Variants in ZFHX3 observed in about 807,000 individuals in gnomAD.
ZFHX3 encodes zinc finger homeobox protein 3.
In ZFHX3, 42 loss-of-function variants were observed where a neutral mutation model predicts 279.1. The ratio of observed to expected loss-of-function variants is 0.15; its 90% CI spans 0.12 to 0.19. The LOEUF (loss-of-function observed/expected upper bound fraction) is 0.19, where lower values mean the gene tolerates loss of function less well. Ranked by LOEUF, ZFHX3 falls within the 10% of genes least tolerant of loss-of-function variation. The pLI, the probability that ZFHX3 is intolerant of heterozygous loss-of-function variation, is 1.00. For missense variants in ZFHX3, 4,981 were observed against 4,754.0 expected (o/e 1.05, Z -1.40); for synonymous variants, 2,293 against 1,957.8 (o/e 1.17, Z -4.52).
chr16:73,801,864 T>C (rs903764179), intron 1 of ZFHX3, among the ~76,000 whole-genome samples: 2 of 152,220 alleles, frequency 1.3e-5, no homozygotes, highest in African/African-American at 4.8e-5. Flanking sequence ...TCATTTTACT[T>C]TCTCTGCCTC....
intron 4 of ZFHX3, among the ~76,000 whole-genome samples, chr16:72,839,504 C>T (rs955070195): frequency 3.9e-5 from 6 of 152,042 alleles, no homozygotes; most frequent in African/African-American, 9.7e-5. Flanking sequence ...GAAGGGTGTC[C>T]CCCATCTCGT....
chr16:73,311,914 C>G (rs2015337916), intron 4 of ZFHX3, among the ~76,000 whole-genome samples: 1 of 152,056 alleles, frequency 6.6e-6, no homozygotes, highest in Admixed American at 6.6e-5. Flanking sequence ...AATGGAAGCT[C>G]AAAATCAAAC....
chr16:73,291,519 A>C (rs1762677488), intron 4 of ZFHX3, among the ~76,000 whole-genome samples: 1 of 152,206 alleles, frequency 6.6e-6, no homozygotes, highest in South Asian at 2.1e-4. Flanking sequence ...TAATTTTTAC[A>C]TTAATGACAT....
chr16:72,785,247 G>GAGAA lies in ZFHX3; in HGVS notation c.*1913_*1916dup, dbSNP rs1439822590. 5.2e-5 allele frequency: 8 copies of GAGAA among 152,558 alleles called. No individual in the cohort carries two copies. The highest frequency in any genetic ancestry group is 8.8e-5 in the Non-Finnish European group (6 of 68,020). The allele number at this position is 152,558 out of a possible 1,614,324, so 9.5% of individuals were successfully genotyped here. On this transcript the variant is annotated 3_prime_UTR_variant, in exon 10 of 10. Transcript: ENST00000268489. ...CATTTATTTATTTTTCTTTTTACAT[G>GAGAA]AGAAAGGGTGTGTGTTAACAGGAAT...
chr16:73,594,958 C>G (rs937832551), intron 2 of ZFHX3, among the ~76,000 whole-genome samples: 1 of 152,074 alleles, frequency 6.6e-6, no homozygotes, highest in African/African-American at 2.4e-5. Flanking sequence ...AGGTATGGCC[C>G]CACAATTCCA....
At chr16:73,148,463 T>A (rs887359754) in intron 5 of ZFHX3, among the ~76,000 whole-genome samples, 2 of 151,798 alleles carry the variant, frequency 1.3e-5, no homozygotes, top group Non-Finnish European at 2.9e-5. Context: ...CTGGATAATC[T>A]CTGGATACTT....
intron 8 of ZFHX3, among the ~76,000 whole-genome samples, chr16:73,088,154 CT>C (rs1312216165): frequency 7.3e-6 from 1 of 137,352 alleles, no homozygotes; most frequent in East Asian, 2.2e-4. Context: ...TTTTTTTTTT[CT>C]TTTTTTTTGA....
At chr16:73,814,236 A>G (rs1008088476) in intron 1 of ZFHX3, among the ~76,000 whole-genome samples, 1 of 152,034 alleles carries the variant, frequency 6.6e-6, no homozygotes, top group East Asian at 1.9e-4. Flanking sequence ...CACCATTGTC[A>G]ACTGCCAAAT....
intron 2 of ZFHX3, among the ~76,000 whole-genome samples, chr16:73,571,250 C>T (rs1343001264): frequency 1.3e-5 from 2 of 151,906 alleles, no homozygotes. Flanking sequence ...TCCTCATTCG[C>T]AGCATCTAGA....
At chr16:73,330,897 G>C (rs79711809) in intron 3 of ZFHX3, among the ~76,000 whole-genome samples, 3,149 of 152,220 alleles carry the variant, frequency 0.021, 57 homozygotes, top group South Asian at 0.061. Flanking sequence ...TTCTCTCCAT[G>C]ATGGCCTTGT....
At chr16:73,807,924 A>C (rs957836380) in intron 1 of ZFHX3, among the ~76,000 whole-genome samples, 1 of 152,008 alleles carries the variant, frequency 6.6e-6, no homozygotes, top group African/African-American at 2.4e-5. Context: ...AGAAATCCTC[A>C]TGAACTTGGT....
intron 1 of ZFHX3, among the ~76,000 whole-genome samples, chr16:73,739,174 C>CA (rs1269641630): frequency 6.6e-6 from 1 of 152,226 alleles, no homozygotes; most frequent in East Asian, 1.9e-4. Flanking sequence ...CCCTTCCAAA[C>CA]ACCAAAGCAG....
At chr16:73,166,637 G>A (rs951394347) in intron 5 of ZFHX3, among the ~76,000 whole-genome samples, 1 of 152,184 alleles carries the variant, frequency 6.6e-6, no homozygotes, top group African/African-American at 2.4e-5. Context: ...TTAATTTCCT[G>A]TGTGCTCCCT....
intron 8 of ZFHX3, among the ~76,000 whole-genome samples, chr16:73,076,298 G>A (rs1965886168): frequency 6.6e-6 from 1 of 152,196 alleles, no homozygotes; most frequent in Non-Finnish European, 1.5e-5. Context: ...ACAAATCTAA[G>A]ATGTTCTTTT....
intron 2 of ZFHX3, among the ~76,000 whole-genome samples, chr16:73,462,402 G>T (rs749507991): frequency 6.6e-6 from 1 of 151,934 alleles, no homozygotes; most frequent in Non-Finnish European, 1.5e-5. Context: ...GTGTACCTTT[G>T]ATTTCTTTTT....
intron 2 of ZFHX3, among the ~76,000 whole-genome samples, chr16:73,486,177 G>A (rs978075812): frequency 5.3e-5 from 8 of 152,206 alleles, no homozygotes; most frequent in Non-Finnish European, 7.3e-5. Flanking sequence ...AAATGGATTC[G>A]ATTCAGCTAT....
intron 2 of ZFHX3, chr16:73,608,717 G>A (rs996782160): frequency 1.3e-5 from 2 of 152,110 alleles, no homozygotes; most frequent in African/African-American, 4.8e-5. Flanking sequence ...GATTCAGGCT[G>A]TATCTTCAAA....
At chr16:73,813,237 C>G (rs989585837) in intron 1 of ZFHX3, among the ~76,000 whole-genome samples, 24 of 145,498 alleles carry the variant, frequency 1.6e-4, no homozygotes, top group Non-Finnish European at 3.5e-4. Flanking sequence ...CTTTCTCTCT[C>G]TCTCTCTCTC....
At chr16:73,496,482 G>T (rs1015639446) in intron 2 of ZFHX3, among the ~76,000 whole-genome samples, 9 of 152,232 alleles carry the variant, frequency 5.9e-5, no homozygotes, top group Admixed American at 5.9e-4. Context: ...AGTGAGCCAA[G>T]ATCGTGCCAC....
Sources: gnomAD v4.1 joint callset for allele counts (sites outside exome capture counted in the v4.1 genomes callset) on GRCh38, gnomAD v4.1.1 for gene constraint, MANE v1.5 for transcripts, NCBI Gene and HGNC (gene_info 2026-07-23, HGNC 2026-07-21) for gene names.